The following SLC11A2 variants were observed in gnomAD, a reference collection of about 807,000 sequenced individuals.
SLC11A2 encodes the protein natural resistance-associated macrophage protein 2.
In SLC11A2, 38 loss-of-function variants were observed where a neutral mutation model predicts 68.0. That is an observed-to-expected ratio of 0.56 (90% confidence interval 0.43 to 0.73). SLC11A2 has a LOEUF of 0.73. SLC11A2 is among the 30% of genes least tolerant of loss of function. The probability of loss-of-function intolerance (pLI) is 0.00; values close to 1 mark genes in which losing one functional copy is unlikely to be tolerated. For missense variants in SLC11A2, 517 were observed against 690.5 expected (o/e 0.75, Z 2.82); for synonymous variants, 242 against 250.6 (o/e 0.97, Z 0.32).
chr12:50,959,794 T>C, the SLC11A2 span, among the ~76,000 whole-genome samples: 1 of 152,116 alleles, frequency 6.6e-6, no homozygotes, highest in Non-Finnish European at 1.5e-5. Context: ...ATTACAGGCA[T>C]GTACCACCAC....
chr12:51,020,420 A>G (rs553926222), intron 1 of SLC11A2, among the ~76,000 whole-genome samples: 1 of 152,330 alleles, frequency 6.6e-6, no homozygotes, highest in South Asian at 2.1e-4. Flanking sequence ...ACTTCATGGT[A>G]AACAGTGAAA....
the SLC11A2 span, among the ~76,000 whole-genome samples, chr12:50,957,399 A>T: frequency 1.3e-5 from 2 of 151,480 alleles, no homozygotes; most frequent in Non-Finnish European, 2.9e-5. Flanking sequence ...GGGTTTTACC[A>T]TGTTGACCAG....
chr12:50,993,036 C>A, intron 11 of SLC11A2, 107 bp from the exon 12 acceptor site: 3 of 1,321,044 alleles, frequency 2.3e-6, no homozygotes, highest in Non-Finnish European at 2.1e-6. Context: ...TATGCACCAC[C>A]AACACCAAGT....
At chr12:51,022,484 C>T (rs1944115860) in intron 1 of SLC11A2, among the ~76,000 whole-genome samples, 1 of 147,368 alleles carries the variant, frequency 6.8e-6, no homozygotes, top group African/African-American at 2.5e-5. Context: ...CCTATACCTA[C>T]TTCTTGCCTC....
chr12:50,994,442 G>A, intron 11 of SLC11A2, 102 bp downstream of exon 11: 1 of 780,970 alleles, frequency 1.3e-6, no homozygotes. Context: ...TGACACTCCA[G>A]AGGAGATATG....
chr12:50,959,076 T>A, the SLC11A2 span, among the ~76,000 whole-genome samples: 5 of 152,328 alleles, frequency 3.3e-5, no homozygotes, highest in South Asian at 1.0e-3. Flanking sequence ...TTTCTTACTG[T>A]GCATTTTGTC....
At chr12:50,995,890 T>C (rs1941657395) in intron 9 of SLC11A2, 103 bp from the exon 10 acceptor site, 6 of 1,064,128 alleles carry the variant, frequency 5.6e-6, no homozygotes, top group Admixed American at 1.7e-5. Context: ...GGGACAAAAG[T>C]TGACCAGACG....
At chr12:50,952,325 G>A in the SLC11A2 span, among the ~76,000 whole-genome samples, 5 of 152,236 alleles carry the variant, frequency 3.3e-5, no homozygotes, top group Admixed American at 2.0e-4. Flanking sequence ...GCGGGTACCA[G>A]ACACACAGTT....
intron 15 of SLC11A2, among the ~76,000 whole-genome samples, chr12:50,989,975 G>A (rs1940981761): frequency 6.6e-6 from 1 of 152,074 alleles, no homozygotes; most frequent in Admixed American, 6.6e-5. Flanking sequence ...TATTTTGGCT[G>A]TTTTTCATTA....
In SLC11A2 at chr12:51,002,466, C is replaced by T. The variant is rs1436645308; in HGVS notation, c.430-2047G>A. ...TCAGCCTGGCCAACATGGTGAAACC[C>T]TGTCTCTACTAAAAATACAAAAATT... On this transcript the variant is annotated intron_variant, in intron 5 of 15. Transcript: ENST00000262052. 4.6e-5 allele frequency among the ~76,000 whole-genome samples: 7 copies of T among 151,262 alleles called. No individual in the cohort carries two copies. In the East Asian group the frequency reaches 1.2e-3, roughly 25 times the overall value.
intron 12 of SLC11A2, 80 bp downstream of exon 12, chr12:50,992,730 C>CA (rs954460640): frequency 0.057 from 50,554 of 890,824 alleles, 30 homozygotes; most frequent in Non-Finnish European, 0.061. Context: ...GACTCCATCT[C>CA]AAAAAAAAAA....
At chr12:51,005,723 C>T (rs1450694411) in intron 3 of SLC11A2, 2 of 1,297,396 alleles carry the variant, frequency 1.5e-6, no homozygotes, top group Non-Finnish European at 1.0e-6. Flanking sequence ...CCAAACACTT[C>T]CCAAAAAGGA....
At chr12:50,965,964 G>A in the SLC11A2 span, among the ~76,000 whole-genome samples, 7 of 152,148 alleles carry the variant, frequency 4.6e-5, no homozygotes, top group African/African-American at 1.7e-4. Context: ...ATTCAAGTTA[G>A]ACTTTTGTTC....
chr12:50,994,648 T>G lies in SLC11A2; in HGVS notation c.991-18A>C, dbSNP rs770959507. The G allele has an allele frequency of 6.6e-7, 1 of 1,520,036 alleles. No homozygotes were observed. 94.2% of individuals were successfully genotyped at this position (1,520,036 alleles called of 1,614,324 possible). ...ACTTCAACCTAGAACCCAAAGCAAT[T>G]CAACAGCAACTTTTGTTTCAGAAGC... On this transcript the variant is annotated intron_variant, in intron 10 of 15. Coordinates refer to ENST00000262052, the MANE Select transcript of SLC11A2 (RefSeq NM_000617.3).
chr12:50,964,771 G>A, the SLC11A2 span, among the ~76,000 whole-genome samples: 2 of 152,212 alleles, frequency 1.3e-5, no homozygotes, highest in Admixed American at 6.5e-5. Flanking sequence ...ACCACATCTG[G>A]ATAGCAGAGT....
At chr12:51,008,401 G>C in intron 3 of SLC11A2, 75 bp downstream of exon 3, 2 of 1,291,278 alleles carry the variant, frequency 1.5e-6, no homozygotes, top group South Asian at 1.2e-5. Context: ...TGCTGAACTT[G>C]AGCCATCCAG....
intron 6 of SLC11A2, chr12:50,999,630 C>A: frequency 1.7e-6 from 1 of 576,624 alleles, no homozygotes; most frequent in South Asian, 2.0e-5. Context: ...TACTATGTCA[C>A]TCTTAGGATA....
chr12:50,984,949 T>C (rs906434186), downstream of SLC11A2, among the ~76,000 whole-genome samples: 2 of 152,216 alleles, frequency 1.3e-5, no homozygotes, highest in African/African-American at 2.4e-5. Context: ...ACATGGGTTC[T>C]GGAGTTAAGC....
chr12:50,981,478 T>C (rs1490909876), downstream of SLC11A2: 11 of 394,538 alleles, frequency 2.8e-5, no homozygotes, highest in South Asian at 2.1e-4. Context: ...CACAAGCCCA[T>C]AGGGGTGTGT....
Sources: allele counts gnomAD v4.1 joint callset (sites outside exome capture counted in the v4.1 genomes callset), GRCh38; gene constraint gnomAD v4.1.1; transcripts MANE v1.5; gene names NCBI Gene and HGNC (gene_info 2026-07-23, HGNC 2026-07-21).